The following BRAT1 variants were observed in gnomAD, a reference collection of about 807,000 sequenced individuals.
BRAT1 encodes BRCA1 associated ATM activator 1.
In BRAT1, 74 loss-of-function variants were observed where a neutral mutation model predicts 70.6. The observed-to-expected ratio is 1.05, with a 90% CI of 0.87 to 1.27. The LOEUF (loss-of-function observed/expected upper bound fraction) is 1.27, where lower values mean the gene tolerates loss of function less well. Ranked by LOEUF, BRAT1 falls within the 50% of genes most tolerant of loss-of-function variation. The probability of loss-of-function intolerance (pLI) is 0.00; values close to 1 mark genes in which losing one functional copy is unlikely to be tolerated. For synonymous variants in BRAT1, 615 were observed against 517.1 expected, an observed-to-expected ratio of 1.19 and a Z score of -2.57; for missense variants, 1,203 against 1,098.2, an observed-to-expected ratio of 1.10 and a Z score of -1.35.
At chr7:2,554,048 T>C (rs987626350) in intron 2 of BRAT1, among the ~76,000 whole-genome samples, 2 of 152,222 alleles carry the variant, frequency 1.3e-5, no homozygotes, top group African/African-American at 4.8e-5. Context: ...TCTGTAGAAC[T>C]GAACCTTGGG....
Position 2,541,769 on chromosome 7 carries a change from G to A in BRAT1, c.1083C>T (p.Cys361=), listed in dbSNP as rs751166170. The A allele has an allele frequency of 2.0e-5, 33 of 1,612,214 alleles. No individual in the cohort carries two copies. The highest frequency in any genetic ancestry group is 2.7e-5 in the Non-Finnish European group (32 of 1,179,780). The change falls in exon 8 of 14, where the codon TGC becomes TGT. Residue 361 remains cysteine, a synonymous_variant. Coordinates refer to ENST00000340611, the MANE Select transcript of BRAT1 (RefSeq NM_152743.4). The stretch of plus-strand genomic sequence containing the variant: ...CCAGGGTGCGGCACAGGAGGCCGGC[G>A]CAGGACGACTTGGAGGCCAGGAGTG... ...VDTLLASKSS[C]AGLLCRTLAH... is the part of the protein sequence containing the mutation.
intron 3 of BRAT1, among the ~76,000 whole-genome samples, chr7:2,546,190 C>G (rs932249305): frequency 1.3e-5 from 2 of 152,192 alleles, no homozygotes; most frequent in African/African-American, 2.4e-5. Context: ...GACTGTATCC[C>G]AACACTTTGG....
At position 2,541,837 on chromosome 7, in the gene BRAT1, C is replaced by A; in HGVS notation, c.1016-1G>T. 1.2e-6 allele frequency: 2 copies of A among 1,612,714 alleles called. No homozygotes were observed. Among genetic ancestry groups the A allele is most frequent in the Non-Finnish European group, 1.7e-6 (2 of 1,179,786 alleles). Reference sequence around the variant, plus strand: ...TCGTCTGCCGTCCCGTCCAGCAAGCCTGGGGGCCAAGCCAGGAAGAGCTCC... The same window carrying A: ...TCGTCTGCCGTCCCGTCCAGCAAGCATGGGGGCCAAGCCAGGAAGAGCTCC... On this transcript the variant is annotated splice_acceptor_variant, in intron 7 of 13. Transcript: ENST00000340611. LOFTEE classifies it high-confidence loss of function.
rs1428312588 is a variant in BRAT1 at position 2,538,519 on chromosome 7, G to A, written c.2016C>T (p.His672=). The A allele has an allele frequency of 5.6e-6, 9 of 1,608,530 alleles. No homozygotes were observed. The highest frequency in any genetic ancestry group is 7.6e-6 in the Non-Finnish European group (9 of 1,179,534). ...CGGGTAGGGCCACGGCATAGGGGCA[G>A]TGGGTACGCGGCGGCCCCAAAGTCT... ...LGQTLGPPRT[H]CPYAVALPEV... is the part of the protein sequence containing the mutation. The change falls in exon 14 of 14, where the codon CAC becomes CAT. Residue 672 remains histidine (H), a synonymous_variant. Transcript: ENST00000340611.
At chr7:2,544,197 GTTGT>G (rs1326092790) in intron 4 of BRAT1, 10 of 121,398 alleles carry the variant, frequency 8.2e-5, no homozygotes, top group South Asian at 2.5e-4. Context: ...GTTCCTTCTT[GTTGT>G]TTTTTTTTTT....
chr7:2,544,009 T>C (rs757295554), intron 4 of BRAT1, 47 bp from the exon 5 acceptor site: 54 of 1,437,050 alleles, frequency 3.8e-5, no homozygotes, highest in Non-Finnish European at 9.3e-6. Flanking sequence ...TGAGCCAGAA[T>C]AGAGCTGGGG....
intron 2 of BRAT1, among the ~76,000 whole-genome samples, chr7:2,551,270 T>G (rs1314720937): frequency 6.7e-6 from 1 of 149,780 alleles, no homozygotes; most frequent in Non-Finnish European, 1.5e-5. Flanking sequence ...TCTATATATA[T>G]ATCTATATAT....
At chr7:2,552,100 ATATATATTTTTTTTTTT>A (rs1443211090) in intron 2 of BRAT1, among the ~76,000 whole-genome samples, 2 of 15,130 alleles carry the variant, frequency 1.3e-4, no homozygotes, top group African/African-American at 4.4e-4. Flanking sequence ...ATATATATAT[ATATATATTTTTTTTTTT>A]TTTTTTTTTT....
Position 2,543,861 on chromosome 7 carries a change from C to A in BRAT1, c.532G>T (p.Gly178Cys). 1 of 1,612,840 alleles carries A rather than the reference C, an allele frequency of 6.2e-7. No homozygotes were observed. The highest frequency in any genetic ancestry group is 8.5e-7 in the Non-Finnish European group (1 of 1,179,936). ...AGGCAGGGCTGCCCCTCGGCTCCAC[C>A]TCGCATGGACAAAGCCAGGACGTGC... ...LVHVLALSMR[G>C]GAEGQPCLPG... Residue 178 changes from glycine (G) to cysteine (C), a missense_variant, in exon 5 of 14, where the codon GGT becomes TGT. Physicochemically the swap from Gly to Cys is radical, Grantham distance 159. Transcript: ENST00000340611. The surrounding 1 kb of genome is among the most constrained non-coding windows in gnomAD (Gnocchi z 5.5).
rs377415829 is a variant in BRAT1, at chr7:2,541,371, A to C, written c.1248T>G (p.Cys416Trp). ...CCCGGACGCAGCCCGCCAGGGTCCC[A>C]CAGAGGTGGCCCCCCACACTGGAGG... Reference protein sequence around the residue: ...APASSVGGHLCGTLAGCVRVQ... With the variant: ...APASSVGGHLWGTLAGCVRVQ... The change falls in exon 9 of 14, where the codon TGT becomes TGG. Residue 416 changes from cysteine (C) to tryptophan (W), a missense_variant. Transcript: ENST00000340611. 3.7e-6 allele frequency: 6 copies of C among 1,607,756 alleles called. No homozygotes were observed. The highest frequency in any genetic ancestry group is 5.1e-6 in the Non-Finnish European group (6 of 1,179,488).
chr7:2,552,081 AATATATATATATATATAT>A (rs775419185), intron 2 of BRAT1, among the ~76,000 whole-genome samples: 1 of 23,382 alleles, frequency 4.3e-5, no homozygotes, highest in Non-Finnish European at 6.7e-5. Context: ...CATAGTCTTA[AATATATATATATATATAT>A]ATATATATTT....
intron 10 of BRAT1, 87 bp downstream of exon 10, chr7:2,540,892 G>A (rs1413376276): frequency 1.5e-5 from 19 of 1,304,424 alleles, no homozygotes; most frequent in Middle Eastern, 2.0e-4. Flanking sequence ...CATCCGCAGA[G>A]GCCTGCACGG....
intron 2 of BRAT1, among the ~76,000 whole-genome samples, chr7:2,552,367 C>T (rs1417611301): frequency 6.6e-6 from 1 of 150,882 alleles, no homozygotes; most frequent in Non-Finnish European, 1.5e-5. Context: ...ATCTGCCTGC[C>T]TCAGCCTCCC....
intron 2 of BRAT1, among the ~76,000 whole-genome samples, chr7:2,550,467 C>CAAAAAAAAAAAAAA (rs71550358): frequency 3.1e-5 from 1 of 32,664 alleles, no homozygotes; most frequent in Non-Finnish European, 5.7e-5. Flanking sequence ...GACTCCATCT[C>CAAAAAAAAAAAAAA]AAAAAAAAAA....
At chr7:2,538,811 C>A (rs747200103) in intron 13 of BRAT1, 47 bp from the exon 14 acceptor site, 4 of 1,591,522 alleles carry the variant, frequency 2.5e-6, no homozygotes, top group African/African-American at 1.3e-5. Flanking sequence ...GTGGCAGGAG[C>A]GAGGCTCCCG....
At chr7:2,549,446 G>A (rs992098716) in intron 2 of BRAT1, among the ~76,000 whole-genome samples, 2 of 151,836 alleles carry the variant, frequency 1.3e-5, no homozygotes, top group Non-Finnish European at 2.9e-5. Flanking sequence ...CACTGTCCTG[G>A]ACAACAGCAC....
intron 2 of BRAT1, among the ~76,000 whole-genome samples, chr7:2,549,412 G>C (rs912578073): frequency 6.6e-6 from 1 of 152,130 alleles, no homozygotes; most frequent in African/African-American, 2.4e-5. Context: ...AGGAGGTCAA[G>C]GCTGCAGTGA....
rs1210849856 is a variant in BRAT1, at chr7:2,538,602, C to T, written c.1933G>A (p.Asp645Asn). 6.3e-7 allele frequency: 1 copy of T among 1,597,684 alleles called. No individual in the cohort carries two copies. The highest frequency in any genetic ancestry group is 2.2e-5 in the East Asian group (1 of 44,754). Residue 645 changes from aspartate (D) to asparagine (N), a missense_variant, in exon 14 of 14, where the codon GAC (aspartate) becomes AAC (asparagine). Physicochemically the swap from Asp to Asn is conservative, Grantham distance 23. Transcript: ENST00000340611. The stretch of plus-strand genomic sequence containing the variant: ...TGGGCGCGGACCTCCCAGTCCAGGT[C>T]TCGGCTCGCCGCCTGCAGCACAGTG... ...VATVLQAASR[D>N]LDWEVRAQGL...
Position 2,550,912 on chromosome 7 carries a change from G to A in BRAT1, c.127+3393C>T, listed in dbSNP as rs1394499633. On this transcript the variant is annotated intron_variant, in intron 2 of 13. Coordinates refer to ENST00000340611, the MANE Select transcript of BRAT1 (RefSeq NM_152743.4). ...ACCGACATCATACCAGGGTTCCATG[G>A]TGCCACATCTCACACATGCGCCTGA... 6.6e-5 allele frequency among the ~76,000 whole-genome samples: 10 copies of A among 152,064 alleles called. No homozygotes were observed. The East Asian group carries it at 1.9e-3, about 29-fold the overall frequency.
Sources: gnomAD v4.1 joint callset for allele counts (sites outside exome capture counted in the v4.1 genomes callset) on GRCh38, gnomAD v4.1.1 for gene constraint, Gnocchi (gnomAD v3.1) non-coding constraint, MANE v1.5 for transcripts, NCBI Gene and HGNC (gene_info 2026-07-23, HGNC 2026-07-21) for gene names.